ADAMTS9: variants seen among roughly 807,000 people sequenced by gnomAD.
ADAMTS9 encodes ADAM metallopeptidase with thrombospondin type 1 motif 9, also known as A disintegrin and metalloproteinase with thrombospondin motifs 9.
Under a neutral mutation model 257.1 loss-of-function variants are expected in ADAMTS9, and 107 were observed. That is an observed-to-expected ratio of 0.42 (90% CI 0.36 to 0.49). ADAMTS9 has a LOEUF of 0.49. Among genes scored for constraint, ADAMTS9 ranks in the 20% least tolerant of loss-of-function variants. The pLI is 0.03. For synonymous variants in ADAMTS9, 982 were observed against 880.9 expected (o/e 1.11, Z -2.03); for missense variants, 2,353 against 2,469.1 (o/e 0.95, Z 1.00).
intron 37 of ADAMTS9, among the ~76,000 whole-genome samples, chr3:64,536,978 G>A (rs2083058908): frequency 6.6e-6 from 1 of 152,180 alleles, no homozygotes; most frequent in Non-Finnish European, 1.5e-5. Flanking sequence ...GCAATCACTA[G>A]GTCAAAGGCT....
chr3:64,556,741 C>CCTTT (rs1164653611), intron 30 of ADAMTS9, among the ~76,000 whole-genome samples: 2 of 150,950 alleles, frequency 1.3e-5, no homozygotes, highest in Non-Finnish European at 3.0e-5. Flanking sequence ...TTCCTTCCTT[C>CCTTT]CTTCCTTCCT....
chr3:64,682,436 C>T (rs1479730933), intron 2 of ADAMTS9, among the ~76,000 whole-genome samples: 1 of 152,050 alleles, frequency 6.6e-6, no homozygotes, highest in East Asian at 1.9e-4. Context: ...TCCTTTTCAC[C>T]CCACATACCC....
Position 64,615,940 on chromosome 3 carries a change from T to C in ADAMTS9, c.3024+20A>G, listed in dbSNP as rs770429667. 8 of 1,612,210 alleles carry C rather than the reference T, an allele frequency of 5.0e-6. No homozygotes were observed. The highest frequency in any genetic ancestry group is 3.3e-5 in the South Asian group (3 of 91,000). Reference sequence around the variant, plus strand: ...ATCAGACAGCATCCAAGAAGACTCTTTGAGTGAGAGCCAACTTACTTCAGT... The same window carrying C: ...ATCAGACAGCATCCAAGAAGACTCTCTGAGTGAGAGCCAACTTACTTCAGT... On this transcript the variant is annotated intron_variant, in intron 20 of 39. Transcript: ENST00000498707.
intron 38 of ADAMTS9, among the ~76,000 whole-genome samples, chr3:64,526,684 T>G (rs1164565582): frequency 6.6e-6 from 1 of 152,194 alleles, no homozygotes; most frequent in Non-Finnish European, 1.5e-5. Context: ...CTAACCTGAA[T>G]CAGACTGCCT....
intron 31 of ADAMTS9, chr3:64,550,031 G>C (rs1165451648): frequency 6.6e-6 from 1 of 151,744 alleles, no homozygotes; most frequent in Non-Finnish European, 1.5e-5. Context: ...TGTGAGTCCA[G>C]ATGCCTCCCT....
chr3:64,549,995 T>G (rs1380762568), intron 31 of ADAMTS9, among the ~76,000 whole-genome samples: 3 of 150,782 alleles, frequency 2.0e-5, no homozygotes, highest in African/African-American at 7.5e-5. Flanking sequence ...GCAATCATAT[T>G]ACCTAACAAT....
chr3:64,611,416 A>G (rs945442659), intron 22 of ADAMTS9, among the ~76,000 whole-genome samples: 1 of 152,192 alleles, frequency 6.6e-6, no homozygotes, highest in African/African-American at 2.4e-5. Flanking sequence ...CATTTCTATG[A>G]AATGTCCAGA....
intron 16 of ADAMTS9, among the ~76,000 whole-genome samples, chr3:64,628,530 A>G (rs934740503): frequency 6.6e-6 from 1 of 152,222 alleles, no homozygotes; most frequent in African/African-American, 2.4e-5. Context: ...CCAAGTGTAC[A>G]AAGAAAAATA....
intron 28 of ADAMTS9, among the ~76,000 whole-genome samples, chr3:64,584,375 G>A (rs1478665831): frequency 2.0e-5 from 3 of 152,078 alleles, no homozygotes; most frequent in Non-Finnish European, 4.4e-5. Context: ...GGGGAGGAGG[G>A]AGGAGGAGAG....
At chr3:64,583,597 T>A (rs2084059504) in intron 28 of ADAMTS9, 1 of 152,178 alleles carries the variant, frequency 6.6e-6, no homozygotes, top group Admixed American at 6.6e-5. Context: ...TAGATGCCCA[T>A]AGCACCTGCA....
chr3:64,585,241 AAC>A (rs755611613), intron 28 of ADAMTS9, among the ~76,000 whole-genome samples: 1 of 152,140 alleles, frequency 6.6e-6, no homozygotes, highest in Non-Finnish European at 1.5e-5. Flanking sequence ...AAAGGAAGCA[AAC>A]ACAGTCTGCT....
chr3:64,684,424 A>C (rs1403362749), intron 2 of ADAMTS9, among the ~76,000 whole-genome samples: 1 of 151,858 alleles, frequency 6.6e-6, no homozygotes, highest in Non-Finnish European at 1.5e-5. Context: ...AATCTGGTAG[A>C]CTCTGGTAGA....
intron 28 of ADAMTS9, among the ~76,000 whole-genome samples, chr3:64,591,016 T>C (rs1312545637): frequency 6.6e-6 from 1 of 152,172 alleles, no homozygotes; most frequent in Non-Finnish European, 1.5e-5. Flanking sequence ...TTAGCCTACT[T>C]TCTGCTGTGG....
intron 14 of ADAMTS9, among the ~76,000 whole-genome samples, chr3:64,632,719 A>G (rs1700397569): frequency 6.6e-6 from 1 of 152,204 alleles, no homozygotes; most frequent in East Asian, 1.9e-4. Flanking sequence ...TGAAATGGAC[A>G]GACAAGGAAA....
chr3:64,642,770 G>A (rs1436007023), intron 11 of ADAMTS9, among the ~76,000 whole-genome samples: 1 of 152,228 alleles, frequency 6.6e-6, no homozygotes, highest in African/African-American at 2.4e-5. Flanking sequence ...GGCCACAGGA[G>A]GGTGACGCCC....
At chr3:64,647,868 T>C in intron 11 of ADAMTS9, 72 bp downstream of exon 11, 1 of 1,313,194 alleles carries the variant, frequency 7.6e-7, no homozygotes, top group Non-Finnish European at 1.1e-6. Context: ...TAAACATCGG[T>C]GTCTGATCAT....
At position 64,631,456 on chromosome 3, in the gene ADAMTS9, T is replaced by C. The variant is rs756589882; in HGVS notation, c.2388A>G (p.Leu796=). 1.2e-6 allele frequency: 2 copies of C among 1,613,286 alleles called. No homozygotes were observed. The highest frequency in any genetic ancestry group is 1.7e-6 in the Non-Finnish European group (2 of 1,179,244). Residue 796 remains leucine, a splice_region_variant and synonymous_variant, in exon 16 of 40, where the codon TTA becomes TTG. Transcript: ENST00000498707. Reference sequence around the variant, plus strand: ...AAGTAGTGAGGCATCCCATCTCACCTAAGTAGTTGTCATCGTCTGTTTCCC... The same window carrying C: ...AAGTAGTGAGGCATCCCATCTCACCCAAGTAGTTGTCATCGTCTGTTTCCC... ...FSGETDDDNY[L]ALSSSKGEFL...
At chr3:64,544,062 G>A (rs1250479335) in intron 32 of ADAMTS9, among the ~76,000 whole-genome samples, 1 of 152,200 alleles carries the variant, frequency 6.6e-6, no homozygotes, top group African/African-American at 2.4e-5. Flanking sequence ...TACAAGGGAT[G>A]TGAAGGACCT....
chr3:64,546,556 T>C (rs2083202098), intron 32 of ADAMTS9, among the ~76,000 whole-genome samples: 1 of 152,186 alleles, frequency 6.6e-6, no homozygotes, highest in African/African-American at 2.4e-5. Context: ...CTGTCTGGCT[T>C]CAGAGCCCAT....
Sources: allele counts gnomAD v4.1 joint callset (sites outside exome capture counted in the v4.1 genomes callset), GRCh38; gene constraint gnomAD v4.1.1; transcripts MANE v1.5; gene names NCBI Gene and HGNC (gene_info 2026-07-23, HGNC 2026-07-21).